Variants in SLIT3 observed in about 807,000 individuals in gnomAD.
SLIT3 encodes slit homolog 3 protein.
Under a neutral mutation model 184.0 loss-of-function variants are expected in SLIT3, and 68 were observed. The ratio of observed to expected loss-of-function variants is 0.37; its 90% CI spans 0.30 to 0.45. The LOEUF (loss-of-function observed/expected upper bound fraction) is 0.45. SLIT3 is among the 20% of genes least tolerant of loss of function. The probability of loss-of-function intolerance (pLI) is 1.00; values close to 1 mark genes in which losing one functional copy is unlikely to be tolerated. For missense variants in SLIT3, 1,707 were observed against 2,026.0 expected, an observed-to-expected ratio of 0.84 and a Z score of 3.02; for synonymous variants, 831 against 828.6, an observed-to-expected ratio of 1.00 and a Z score of -0.05.
intron 4 of SLIT3, among the ~76,000 whole-genome samples, chr5:168,886,657 T>A (rs1760228440): frequency 6.6e-6 from 1 of 150,920 alleles, no homozygotes; most frequent in Admixed American, 6.6e-5. Context: ...AAGAAAGGCA[T>A]GAGATTGGAG....
At chr5:169,116,856 G>A (rs1269417689) in intron 4 of SLIT3, among the ~76,000 whole-genome samples, 2 of 152,152 alleles carry the variant, frequency 1.3e-5, no homozygotes, top group Non-Finnish European at 2.9e-5. Context: ...CTTGTTTATA[G>A]GGAATCTAAT....
At chr5:169,191,024 C>A (rs938477550) in intron 4 of SLIT3, among the ~76,000 whole-genome samples, 1 of 152,174 alleles carries the variant, frequency 6.6e-6, no homozygotes, top group Admixed American at 6.5e-5. Flanking sequence ...AGCTTTTTGG[C>A]AGCCATTCAA....
intron 4 of SLIT3, among the ~76,000 whole-genome samples, chr5:169,138,413 A>T (rs1323774906): frequency 1.3e-5 from 2 of 152,108 alleles, no homozygotes; most frequent in African/African-American, 4.8e-5. Context: ...CTGCAGCCAC[A>T]TATCTGCCTG....
chr5:168,761,261 A>T (rs1755136118), intron 15 of SLIT3, among the ~76,000 whole-genome samples: 1 of 152,172 alleles, frequency 6.6e-6, no homozygotes, highest in Admixed American at 6.5e-5. Flanking sequence ...ACCAATGACA[A>T]CTTAAAACCC....
intron 16 of SLIT3, among the ~76,000 whole-genome samples, chr5:168,758,347 C>T (rs189920916): frequency 5.3e-5 from 8 of 152,306 alleles, no homozygotes; most frequent in Non-Finnish European, 7.4e-5. Flanking sequence ...CGTATTTCTT[C>T]GCAGAAGCAA....
intron 12 of SLIT3, among the ~76,000 whole-genome samples, chr5:168,784,562 T>A (rs1331526196): frequency 6.6e-6 from 1 of 152,186 alleles, no homozygotes; most frequent in Non-Finnish European, 1.5e-5. Flanking sequence ...CATTAGTGCG[T>A]GTTCTGGGAG....
intron 4 of SLIT3, among the ~76,000 whole-genome samples, chr5:168,963,579 G>T (rs943472121): frequency 1.3e-5 from 2 of 152,346 alleles, no homozygotes; most frequent in Non-Finnish European, 2.9e-5. Context: ...ACTATCTGCT[G>T]TGTTACAGAA....
At chr5:169,180,542 G>A (rs1037154827) in intron 4 of SLIT3, among the ~76,000 whole-genome samples, 2 of 152,200 alleles carry the variant, frequency 1.3e-5, no homozygotes, top group Non-Finnish European at 2.9e-5. Flanking sequence ...CTGGTCCACG[G>A]TGATGGCAAC....
chr5:168,685,867 C>G lies in SLIT3; in HGVS notation c.3375G>C (p.Gln1125His), dbSNP rs1361956009. ...MVLLQTSPCD[Q>H]YECQNGAQCI... is the part of the protein sequence containing the mutation. ...ACTGGGCCCCGTTCTGGCACTCGTACTGGTCGCATGGGCTGGTCTGCAGTA... is the reference window on the plus strand; with the variant it reads ...ACTGGGCCCCGTTCTGGCACTCGTAGTGGTCGCATGGGCTGGTCTGCAGTA... The change falls in exon 31 of 36, where the codon CAG (glutamine) becomes CAC (histidine). Residue 1125 changes from glutamine to histidine, a missense_variant. Gln to His is a conservative substitution (Grantham distance 24). Transcript: ENST00000519560. The G allele has an allele frequency of 6.2e-6, 10 of 1,613,756 alleles. No homozygotes were observed. The highest frequency in any genetic ancestry group is 8.5e-6 in the Non-Finnish European group (10 of 1,179,982).
At chr5:169,115,473 G>A (rs1213506976) in intron 4 of SLIT3, among the ~76,000 whole-genome samples, 1 of 152,138 alleles carries the variant, frequency 6.6e-6, no homozygotes, top group Non-Finnish European at 1.5e-5. Context: ...ATAACCCTGG[G>A]CAGTAGGTAT....
At chr5:169,025,186 G>A (rs1756767980) in intron 4 of SLIT3, among the ~76,000 whole-genome samples, 1 of 152,022 alleles carries the variant, frequency 6.6e-6, no homozygotes. Context: ...GTTAAGAGAG[G>A]GGATTAAAAT....
chr5:169,110,026 G>C (rs1409227579), intron 4 of SLIT3, among the ~76,000 whole-genome samples: 1 of 152,158 alleles, frequency 6.6e-6, no homozygotes, highest in Non-Finnish European at 1.5e-5. Context: ...CACCCCTGGA[G>C]CATTACACTT....
chr5:168,787,118 T>C (rs1756182913), intron 11 of SLIT3, among the ~76,000 whole-genome samples: 1 of 152,230 alleles, frequency 6.6e-6, no homozygotes, highest in African/African-American at 2.4e-5. Flanking sequence ...ACGGGTGTGT[T>C]TCATTAATGT....
At chr5:168,764,422 T>C (rs913229696) in intron 14 of SLIT3, among the ~76,000 whole-genome samples, 3 of 152,186 alleles carry the variant, frequency 2.0e-5, no homozygotes, top group African/African-American at 4.8e-5. Flanking sequence ...TCTGGTTCCA[T>C]GTGGTTAACA....
intron 32 of SLIT3, among the ~76,000 whole-genome samples, chr5:168,675,416 CAG>C (rs555112884): frequency 1.0e-3 from 153 of 152,264 alleles, no homozygotes; most frequent in African/African-American, 3.4e-3. Flanking sequence ...CTGAAGAAAA[CAG>C]AGTCCATTCT....
chr5:168,785,843 C>T lies in SLIT3; in HGVS notation c.1151+64G>A, dbSNP rs775450388. The T allele has an allele frequency of 2.4e-5, 29 of 1,214,068 alleles. 1 individual carries two copies. The highest frequency in any genetic ancestry group is 4.7e-5 in the East Asian group (2 of 42,990). The allele number at this position is 1,214,068 out of a possible 1,614,324, so 75.2% of individuals were successfully genotyped here. ...AAGAACTCTCCAGAGCATGGCTCAA[C>T]GTTTTCAGGTGGGAGCCTTCCGACA... On this transcript the variant is annotated intron_variant, in intron 12 of 35. Coordinates refer to ENST00000519560, the MANE Select transcript of SLIT3 (RefSeq NM_003062.4).
chr5:168,990,788 C>T (rs1425491861), intron 4 of SLIT3, among the ~76,000 whole-genome samples: 1 of 152,190 alleles, frequency 6.6e-6, no homozygotes, highest in Non-Finnish European at 1.5e-5. Context: ...ACTGCTGGGT[C>T]AGTCTGCAAG....
intron 4 of SLIT3, among the ~76,000 whole-genome samples, chr5:169,169,780 G>A (rs1011428396): frequency 9.2e-5 from 14 of 152,230 alleles, no homozygotes; most frequent in African/African-American, 3.1e-4. Flanking sequence ...CGACCTGACT[G>A]AGGAGATGAA....
At chr5:169,138,339 G>A (rs1359691846) in intron 4 of SLIT3, among the ~76,000 whole-genome samples, 3 of 152,190 alleles carry the variant, frequency 2.0e-5, no homozygotes, top group African/African-American at 4.8e-5. Context: ...CCTCAAGTGA[G>A]AACAGATCTG....
Sources: allele counts gnomAD v4.1 joint callset (sites outside exome capture counted in the v4.1 genomes callset), GRCh38; gene constraint gnomAD v4.1.1; transcripts MANE v1.5; gene names NCBI Gene and HGNC (gene_info 2026-07-23, HGNC 2026-07-21).